The following CUL1 variants were observed in gnomAD, a reference collection of about 807,000 sequenced individuals.
The protein encoded by CUL1 is cullin 1.
A neutral mutation model predicts 118.0 loss-of-function variants in CUL1; 24 were observed. The ratio of observed to expected loss-of-function variants is 0.20; its 90% confidence interval spans 0.15 to 0.29. The LOEUF (loss-of-function observed/expected upper bound fraction) is 0.29. Among genes scored for constraint, CUL1 ranks in the 10% least tolerant of loss-of-function variants. The pLI is 1.00. For synonymous variants in CUL1, 332 were observed against 340.4 expected (o/e 0.98, Z 0.27); for missense variants, 361 against 933.8 (o/e 0.39, Z 7.99).
chr7:148,766,200 AG>A (rs1413375506), intron 7 of CUL1, among the ~76,000 whole-genome samples: 1 of 146,052 alleles, frequency 6.8e-6, no homozygotes, highest in African/African-American at 2.6e-5. Flanking sequence ...GCACAATCAT[AG>A]CTTACTATGT....
intron 3 of CUL1, among the ~76,000 whole-genome samples, chr7:148,754,601 A>G (rs1453122708): frequency 6.6e-6 from 1 of 152,242 alleles, no homozygotes; most frequent in African/African-American, 2.4e-5. Context: ...GCAAATATGT[A>G]TTCAAATTAT....
At chr7:148,792,141 G>C (rs1801034013) in intron 16 of CUL1, among the ~76,000 whole-genome samples, 2 of 151,284 alleles carry the variant, frequency 1.3e-5, no homozygotes, top group African/African-American at 4.9e-5. Context: ...AGTCGAGATT[G>C]TGCCACTGCA....
intron 9 of CUL1, among the ~76,000 whole-genome samples, chr7:148,771,676 T>TTTGGGAACC (rs1800217932): frequency 6.6e-6 from 1 of 152,212 alleles, no homozygotes; most frequent in Non-Finnish European, 1.5e-5. Flanking sequence ...CCAGGAGGAC[T>TTTGGGAACC]TTGGGAACCT....
rs544417309 is a variant in CUL1, at chr7:148,707,383, A to G, written c.-162+8354A>G. Among the ~76,000 whole-genome samples the G allele has an allele frequency of 3.9e-4, 59 of 152,330 alleles. 1 individual carries two copies. Among genetic ancestry groups the G allele is most frequent in the Non-Finnish European group, 7.4e-4 (50 of 68,026 alleles). Reference sequence around the variant, plus strand: ...AGTCCTTGTTTAAATCCTAAATACTATCAGAGGAATTATATTAAAAAAATT... The same window carrying G: ...AGTCCTTGTTTAAATCCTAAATACTGTCAGAGGAATTATATTAAAAAAATT... On this transcript the variant is annotated intron_variant, in intron 1 of 21. Coordinates refer to ENST00000325222, the MANE Select transcript of CUL1 (RefSeq NM_003592.3).
intron 2 of CUL1, among the ~76,000 whole-genome samples, chr7:148,746,219 A>G (rs1799305826): frequency 6.6e-6 from 1 of 152,168 alleles, no homozygotes; most frequent in South Asian, 2.1e-4. Context: ...TCTGTGGCCA[A>G]AAGTTTAAAA....
At chr7:148,755,964 C>A (rs1799642151) in intron 3 of CUL1, among the ~76,000 whole-genome samples, 1 of 152,224 alleles carries the variant, frequency 6.6e-6, no homozygotes, top group African/African-American at 2.4e-5. Context: ...CCTGCCCCCA[C>A]CTTCCTCTTT....
At chr7:148,706,039 A>T (rs1172007416) in intron 1 of CUL1, among the ~76,000 whole-genome samples, 3 of 152,280 alleles carry the variant, frequency 2.0e-5, no homozygotes, top group Admixed American at 6.5e-5. Context: ...CCCCGACCTC[A>T]TGTGATGGGC....
At position 148,759,307 on chromosome 7, in the gene CUL1, G is replaced by T; in HGVS notation, c.487G>T (p.Ala163Ser). 1 of 1,613,730 alleles carries T rather than the reference G, an allele frequency of 6.2e-7. No individual in the cohort carries two copies. The highest frequency in any genetic ancestry group is 8.5e-7 in the Non-Finnish European group (1 of 1,179,738). ...RKGIYEIYSL[A>S]LVTWRDCLFR... is the part of the protein sequence containing the mutation. ...TTTTGTACTTTTTTTTCTCCAGCTTGCATTGGTGACTTGGAGAGACTGTCT... is the reference window on the plus strand; with the variant it reads ...TTTTGTACTTTTTTTTCTCCAGCTTTCATTGGTGACTTGGAGAGACTGTCT... The change falls in exon 5 of 22, where the codon GCA (alanine) becomes TCA (serine). Residue 163 changes from alanine (A) to serine (S), a missense_variant. This residue lies in a region of CUL1 where 169 missense variants were observed against 429.7 expected (regional missense o/e 0.39). Transcript: ENST00000325222.
intron 8 of CUL1, among the ~76,000 whole-genome samples, chr7:148,767,145 G>A (rs1003100174): frequency 6.6e-6 from 1 of 152,100 alleles, no homozygotes; most frequent in Non-Finnish European, 1.5e-5. Flanking sequence ...CTGTATACAC[G>A]TCTTAAATCA....
intron 1 of CUL1, among the ~76,000 whole-genome samples, chr7:148,713,591 T>A (rs1207488836): frequency 1.3e-5 from 2 of 152,164 alleles, no homozygotes; most frequent in East Asian, 1.9e-4. Context: ...AGAAAAAAAA[T>A]TGTTTTCTAA....
At chr7:148,734,790 C>T (rs186711636) in intron 2 of CUL1, among the ~76,000 whole-genome samples, 142 of 152,256 alleles carry the variant, frequency 9.3e-4, no homozygotes, top group African/African-American at 3.2e-3. Context: ...GTCAGGTCAC[C>T]TGTTGGAGGT....
chr7:148,786,879 C>A, intron 12 of CUL1, 110 bp from the exon 13 acceptor site: 1 of 1,451,376 alleles, frequency 6.9e-7, no homozygotes, highest in South Asian at 1.3e-5. Context: ...CAGACCTGCC[C>A]AAAGCCAAAG....
At chr7:148,772,864 GC>G (rs1451653629) in intron 9 of CUL1, among the ~76,000 whole-genome samples, 2 of 151,914 alleles carry the variant, frequency 1.3e-5, no homozygotes, top group Non-Finnish European at 2.9e-5. Context: ...CCTCCTCAAA[GC>G]AGTAAGCAGC....
chr7:148,779,075 AT>A (rs1207102275), intron 9 of CUL1, among the ~76,000 whole-genome samples: 1 of 152,216 alleles, frequency 6.6e-6, no homozygotes, highest in African/African-American at 2.4e-5. Context: ...TGTATGCCAT[AT>A]TCGGTTTACC....
At chr7:148,746,913 T>C (rs1799325525) in intron 2 of CUL1, among the ~76,000 whole-genome samples, 1 of 152,250 alleles carries the variant, frequency 6.6e-6, no homozygotes, top group South Asian at 2.1e-4. Flanking sequence ...CTGCGTACTC[T>C]ATCTTCAGGT....
intron 17 of CUL1, among the ~76,000 whole-genome samples, chr7:148,793,778 G>T (rs1210738615): frequency 6.6e-6 from 1 of 152,206 alleles, no homozygotes; most frequent in Non-Finnish European, 1.5e-5. Context: ...CCTAGGTATA[G>T]AATTGCTGAG....
chr7:148,800,579 T>C lies in CUL1; in HGVS notation c.2328T>C (p.Ala776=), dbSNP rs1259669236. ...AAAAGGACACCTACAGTTACTTGGC[T>C]TAACCCTTCTGGAAGGGTCTGACTG... is the stretch of plus-strand genomic sequence containing the variant. The part of the protein sequence containing the change: ...DGEKDTYSYL[A] The change falls in exon 22 of 22, where the codon GCT becomes GCC. Residue 776 remains alanine, a synonymous_variant. Coordinates refer to ENST00000325222, the MANE Select transcript of CUL1 (RefSeq NM_003592.3). This position sits in a 1 kb window ranked among gnomAD's most constrained non-coding sequence, Gnocchi z 4.6. The C allele has an allele frequency of 6.2e-7, 1 of 1,611,684 alleles. No homozygotes were observed. Among genetic ancestry groups the C allele is most frequent in the Non-Finnish European group, 8.5e-7 (1 of 1,177,806 alleles).
At chr7:148,792,656 G>A (rs1424082955) in intron 16 of CUL1, 70 bp from the exon 17 acceptor site, 3 of 1,014,984 alleles carry the variant, frequency 3.0e-6, no homozygotes, top group African/African-American at 3.2e-5. Context: ...AACTTGGGCT[G>A]TATATTTTGG....
chr7:148,760,548 T>C (rs1343242834), intron 7 of CUL1, 52 bp downstream of exon 7: 1 of 1,275,144 alleles, frequency 7.8e-7, no homozygotes, highest in Non-Finnish European at 1.1e-6. Context: ...TCATTGCTAC[T>C]CAAGTGAGTT....
Sources: gnomAD v4.1 joint callset for allele counts (sites outside exome capture counted in the v4.1 genomes callset) on GRCh38, gnomAD v4.1.1 for gene constraint, gnomAD v4.1.1 regional missense constraint, Gnocchi (gnomAD v3.1) non-coding constraint, MANE v1.5 for transcripts, NCBI Gene and HGNC (gene_info 2026-07-23, HGNC 2026-07-21) for gene names.